CRISPLD2: variants seen among roughly 807,000 people sequenced by gnomAD.
The protein encoded by CRISPLD2 is cysteine-rich secretory protein LCCL domain-containing 2.
A neutral mutation model predicts 71.1 loss-of-function variants in CRISPLD2; 47 were observed. The observed-to-expected ratio is 0.66, with a 90% CI of 0.52 to 0.84. The LOEUF (loss-of-function observed/expected upper bound fraction) is 0.84. CRISPLD2 is among the 40% of genes least tolerant of loss of function. The pLI is 0.00. For synonymous variants in CRISPLD2, 317 were observed against 250.1 expected (o/e 1.27, Z -2.52); for missense variants, 830 against 651.1 (o/e 1.27, Z -2.99).
chr16:84,882,643 G>T (rs1597477354), intron 13 of CRISPLD2, among the ~76,000 whole-genome samples: 1 of 152,314 alleles, frequency 6.6e-6, no homozygotes, highest in East Asian at 1.9e-4. Flanking sequence ...GACCTCAGGT[G>T]ATCCACCCAC....
chr16:84,848,257 C>T (rs531441251), intron 3 of CRISPLD2, among the ~76,000 whole-genome samples: 2 of 152,192 alleles, frequency 1.3e-5, no homozygotes, highest in African/African-American at 4.8e-5. Flanking sequence ...CGCCTTTCTG[C>T]AAATGCCGCT....
intron 14 of CRISPLD2, among the ~76,000 whole-genome samples, chr16:84,898,955 C>T (rs1309152520): frequency 6.6e-6 from 1 of 152,198 alleles, no homozygotes; most frequent in Non-Finnish European, 1.5e-5. Flanking sequence ...GCCTCAACTG[C>T]AGTGAGTTGT....
intron 13 of CRISPLD2, chr16:84,880,827 T>C: frequency 2.8e-6 from 1 of 355,192 alleles, no homozygotes; most frequent in Non-Finnish European, 5.2e-6. Context: ...TACCTCAACC[T>C]GCCAAGTAGC....
chr16:84,843,683 T>C (rs1362387476), intron 2 of CRISPLD2, among the ~76,000 whole-genome samples: 1 of 148,120 alleles, frequency 6.8e-6, no homozygotes, highest in African/African-American at 2.6e-5. Context: ...TCATTTAGTA[T>C]ATTGCACAGT....
At chr16:84,855,269 T>C (rs1225915953) in intron 6 of CRISPLD2, among the ~76,000 whole-genome samples, 1 of 152,160 alleles carries the variant, frequency 6.6e-6, no homozygotes, top group Non-Finnish European at 1.5e-5. Context: ...GGGACAGAAC[T>C]AATAGGATAT....
intron 6 of CRISPLD2, among the ~76,000 whole-genome samples, chr16:84,855,527 A>C (rs188479699): frequency 2.0e-5 from 3 of 149,592 alleles, no homozygotes. Context: ...TCCTAGCTGC[A>C]CTGGCAGCTG....
intron 1 of CRISPLD2, among the ~76,000 whole-genome samples, chr16:84,834,824 G>C (rs949650917): frequency 6.6e-6 from 1 of 152,072 alleles, no homozygotes; most frequent in African/African-American, 2.4e-5. Flanking sequence ...CGTCCTCTGC[G>C]TGTCTCGGTC....
intron 1 of CRISPLD2, among the ~76,000 whole-genome samples, chr16:84,833,222 G>A (rs147413108): frequency 4.6e-5 from 7 of 152,224 alleles, no homozygotes; most frequent in East Asian, 3.9e-4. Flanking sequence ...GCTTTGATTC[G>A]CCAGCTGTGG....
At chr16:84,903,184 A>C (rs916188462) in intron 14 of CRISPLD2, among the ~76,000 whole-genome samples, 4 of 152,090 alleles carry the variant, frequency 2.6e-5, no homozygotes, top group African/African-American at 7.2e-5. Context: ...GCCTCCCGTC[A>C]ATTTAATGCT....
chr16:84,872,909 G>C, intron 9 of CRISPLD2, 83 bp from the exon 10 acceptor site: 2 of 1,518,324 alleles, frequency 1.3e-6, no homozygotes, highest in Non-Finnish European at 1.8e-6. Context: ...AGTGAGTTGA[G>C]GACAAATGTT....
chr16:84,874,034 CT>C, intron 11 of CRISPLD2, 71 bp downstream of exon 11: 1 of 1,322,194 alleles, frequency 7.6e-7, no homozygotes, highest in Non-Finnish European at 1.1e-6. Flanking sequence ...ATTTCACTTC[CT>C]TTAGTCGCTG....
chr16:84,843,266 G>C (rs1916824920), intron 2 of CRISPLD2, among the ~76,000 whole-genome samples: 1 of 152,198 alleles, frequency 6.6e-6, no homozygotes, highest in South Asian at 2.1e-4. Context: ...GGCACCCTCA[G>C]CACTGCGCTG....
chr16:84,873,506 CA>C lies in CRISPLD2; in HGVS notation c.1112+395del, dbSNP rs913977597. The C allele has an allele frequency of 6.7e-3, 754 of 112,186 alleles. 26 individuals are homozygous for C. The highest frequency in any genetic ancestry group is 0.028 in the African/African-American group (693 of 24,492). 6.9% of individuals were successfully genotyped at this position (112,186 alleles called of 1,614,324 possible). ...AAAAAAAAAAAGAAAACAACAACAA[CA>C]AAAAAAAAAACAAAAAAAAAACCCA... On this transcript the variant is annotated intron_variant, in intron 10 of 14. Coordinates refer to ENST00000262424, the MANE Select transcript of CRISPLD2 (RefSeq NM_031476.4).
At chr16:84,837,150 G>A (rs1435986005) in intron 1 of CRISPLD2, among the ~76,000 whole-genome samples, 1 of 152,236 alleles carries the variant, frequency 6.6e-6, no homozygotes, top group Non-Finnish European at 1.5e-5. Flanking sequence ...GAGAGGAGGG[G>A]TGTGCGTGGA....
At chr16:84,865,401 C>A (rs766531024) in intron 6 of CRISPLD2, among the ~76,000 whole-genome samples, 2 of 152,208 alleles carry the variant, frequency 1.3e-5, no homozygotes, top group Non-Finnish European at 2.9e-5. Context: ...TGCAATCCAC[C>A]CGCCTCGGCT....
chr16:84,878,556 G>A (rs1045922484), intron 12 of CRISPLD2, among the ~76,000 whole-genome samples: 9 of 152,324 alleles, frequency 5.9e-5, no homozygotes, highest in Non-Finnish European at 1.2e-4. Context: ...CTGTGGATAC[G>A]TGACAACGGG....
At chr16:84,902,988 G>A (rs1016920080) in intron 14 of CRISPLD2, among the ~76,000 whole-genome samples, 3 of 151,782 alleles carry the variant, frequency 2.0e-5, no homozygotes, top group East Asian at 2.0e-4. Context: ...GGCTGGTCTC[G>A]AACTCCTGAC....
chr16:84,867,100 G>T (rs1313582437), intron 7 of CRISPLD2, 60 bp downstream of exon 7: 2 of 1,562,666 alleles, frequency 1.3e-6, no homozygotes, highest in African/African-American at 2.7e-5. Context: ...AGGGGACGGG[G>T]TGGGTGGAGG....
intron 7 of CRISPLD2, among the ~76,000 whole-genome samples, chr16:84,868,558 A>G (rs953309609): frequency 1.3e-5 from 2 of 152,172 alleles, no homozygotes; most frequent in African/African-American, 4.8e-5. Context: ...TTCTCTCTCA[A>G]GGTTCACAAA....
Sources: gnomAD v4.1 joint callset for allele counts (sites outside exome capture counted in the v4.1 genomes callset) on GRCh38, gnomAD v4.1.1 for gene constraint, MANE v1.5 for transcripts, NCBI Gene and HGNC (gene_info 2026-07-23, HGNC 2026-07-21) for gene names.